The following BMPR1B variants were observed in gnomAD, a reference collection of about 807,000 sequenced individuals.
BMPR1B encodes the protein bone morphogenetic protein receptor type-1B.
In BMPR1B, 12 loss-of-function variants were observed where a neutral mutation model predicts 59.1. The observed-to-expected ratio is 0.20, with a 90% CI of 0.13 to 0.33. The LOEUF is 0.33. BMPR1B is among the 10% of genes least tolerant of loss of function. The pLI is 1.00. For missense variants in BMPR1B, 550 were observed against 610.9 expected (o/e 0.90, Z 1.05); for synonymous variants, 237 against 207.3 (o/e 1.14, Z -1.23).
At chr4:95,110,406 C>A (rs1431548981) in intron 4 of BMPR1B, among the ~76,000 whole-genome samples, 4 of 151,978 alleles carry the variant, frequency 2.6e-5, no homozygotes, top group Non-Finnish European at 5.9e-5. Flanking sequence ...GTTACATGAT[C>A]TTGAGGATAA....
At chr4:94,809,079 C>T (rs1723719163) in intron 1 of BMPR1B, among the ~76,000 whole-genome samples, 1 of 151,934 alleles carries the variant, frequency 6.6e-6, no homozygotes, top group Non-Finnish European at 1.5e-5. Context: ...AATAATTGTA[C>T]AGTTCTTTGA....
intron 4 of BMPR1B, among the ~76,000 whole-genome samples, chr4:95,106,811 CTTATT>C (rs2149268140): frequency 6.6e-6 from 1 of 152,092 alleles, no homozygotes; most frequent in Admixed American, 6.6e-5. Context: ...ATTAAAAACA[CTTATT>C]TTTCATTCAG....
At chr4:95,002,372 A>G (rs953279246) in intron 3 of BMPR1B, among the ~76,000 whole-genome samples, 19 of 152,134 alleles carry the variant, frequency 1.2e-4, no homozygotes, top group Non-Finnish European at 2.5e-4. Flanking sequence ...TTCTTTATCC[A>G]TCCACTGTTG....
intron 2 of BMPR1B, among the ~76,000 whole-genome samples, chr4:94,975,508 A>G (rs929098907): frequency 4.6e-5 from 7 of 151,064 alleles, no homozygotes; most frequent in African/African-American, 1.7e-4. Context: ...GACTACAGGC[A>G]TGCGCCACCA....
intron 1 of BMPR1B, among the ~76,000 whole-genome samples, chr4:94,784,425 C>G (rs760040922): frequency 6.6e-6 from 1 of 151,992 alleles, no homozygotes; most frequent in African/African-American, 2.4e-5. Context: ...ACTTAGATTT[C>G]TTATTTGTTA....
chr4:94,963,486 T>TA (rs1730446780), intron 2 of BMPR1B, among the ~76,000 whole-genome samples: 1 of 152,192 alleles, frequency 6.6e-6, no homozygotes, highest in Non-Finnish European at 1.5e-5. Flanking sequence ...GTCTTACATT[T>TA]AAGTTTTTAA....
intron 2 of BMPR1B, among the ~76,000 whole-genome samples, chr4:94,895,138 T>C (rs1727538343): frequency 6.6e-6 from 1 of 152,040 alleles, no homozygotes; most frequent in Non-Finnish European, 1.5e-5. Flanking sequence ...AAATTCTTTT[T>C]TCTGCTTGAT....
rs1425788458 is a variant in BMPR1B, at chr4:94,937,346, A to G, written c.-112-58694A>G. On this transcript the variant is annotated intron_variant, in intron 2 of 12. Coordinates refer to ENST00000515059, the MANE Select transcript of BMPR1B (RefSeq NM_001203.3). ...GTATTAATGCCTTGAATACATCTCC[A>G]TTTTGATTCTCAGTATACCCCTTAA... Among the ~76,000 whole-genome samples, 2 of 152,112 alleles carry G rather than the reference A, an allele frequency of 1.3e-5. 1 individual carries two copies. The highest frequency in any genetic ancestry group is 4.1e-4 in the South Asian group (2 of 4,830).
At chr4:94,874,239 T>C (rs769503063) in intron 1 of BMPR1B, among the ~76,000 whole-genome samples, 2 of 152,216 alleles carry the variant, frequency 1.3e-5, no homozygotes, top group Non-Finnish European at 2.9e-5. Context: ...CTTTTGACTA[T>C]TGTGAATAAT....
At chr4:95,111,808 C>G (rs566256379) in intron 4 of BMPR1B, among the ~76,000 whole-genome samples, 1 of 152,086 alleles carries the variant, frequency 6.6e-6, no homozygotes, top group East Asian at 1.9e-4. Flanking sequence ...GAGCCTAGAA[C>G]CTGTATAATC....
chr4:94,941,103 C>T (rs890128271), intron 2 of BMPR1B, among the ~76,000 whole-genome samples: 7 of 152,080 alleles, frequency 4.6e-5, no homozygotes, highest in East Asian at 1.9e-4. Flanking sequence ...AGTTGTAAAA[C>T]GGGCCTCCTG....
intron 10 of BMPR1B, among the ~76,000 whole-genome samples, chr4:95,140,679 G>A (rs369606095): frequency 7.9e-5 from 12 of 152,128 alleles, no homozygotes; most frequent in African/African-American, 2.9e-4. Flanking sequence ...ACCAGTGATG[G>A]TGCATCCTGA....
intron 3 of BMPR1B, among the ~76,000 whole-genome samples, chr4:94,998,301 T>C (rs1722197726): frequency 6.6e-6 from 1 of 151,998 alleles, no homozygotes; most frequent in African/African-American, 2.4e-5. Flanking sequence ...GAAATATTAA[T>C]ATTAGCCTCC....
intron 2 of BMPR1B, among the ~76,000 whole-genome samples, chr4:94,993,606 C>G (rs1721877859): frequency 6.6e-6 from 1 of 151,514 alleles, no homozygotes; most frequent in South Asian, 2.1e-4. Context: ...ACTAAAAATA[C>G]AAAAATTAGT....
intron 1 of BMPR1B, among the ~76,000 whole-genome samples, chr4:94,787,280 A>G (rs1405249736): frequency 1.3e-5 from 2 of 152,180 alleles, no homozygotes; most frequent in South Asian, 2.1e-4. Context: ...TGTTCAGTCC[A>G]TTGACTCAGG....
chr4:95,108,669 C>T (rs1731375810), intron 4 of BMPR1B, among the ~76,000 whole-genome samples: 1 of 152,084 alleles, frequency 6.6e-6, no homozygotes, highest in African/African-American at 2.4e-5. Flanking sequence ...CATGCCATTT[C>T]CACTGCTCAT....
intron 3 of BMPR1B, among the ~76,000 whole-genome samples, chr4:95,000,079 C>G (rs572710519): frequency 2.6e-5 from 4 of 152,178 alleles, no homozygotes; most frequent in African/African-American, 7.2e-5. Context: ...TTGTATATAT[C>G]AGGAACAAGT....
intron 1 of BMPR1B, among the ~76,000 whole-genome samples, chr4:94,822,222 C>T (rs1372050050): frequency 1.3e-5 from 2 of 152,130 alleles, no homozygotes; most frequent in African/African-American, 4.8e-5. Flanking sequence ...AAGATGGAGC[C>T]TTTATGGCCC....
chr4:94,797,830 C>T (rs764588859), intron 1 of BMPR1B, among the ~76,000 whole-genome samples: 57 of 152,224 alleles, frequency 3.7e-4, no homozygotes, highest in Non-Finnish European at 7.2e-4. Flanking sequence ...CTCTCATGGG[C>T]TAAAGAATTA....
Sources: allele counts gnomAD v4.1 joint callset (sites outside exome capture counted in the v4.1 genomes callset), GRCh38; gene constraint gnomAD v4.1.1; transcripts MANE v1.5; gene names NCBI Gene and HGNC (gene_info 2026-07-23, HGNC 2026-07-21).